The following KLRG1 variants were observed in gnomAD, a reference collection of about 807,000 sequenced individuals.
The protein encoded by KLRG1 is killer cell lectin like receptor G1, also known as killer cell lectin-like receptor subfamily G member 1.
A neutral mutation model predicts 21.8 loss-of-function variants in KLRG1; 16 were observed. That is an observed-to-expected ratio of 0.73 (90% confidence interval 0.50 to 1.11). The LOEUF (loss-of-function observed/expected upper bound fraction) is 1.11. Among genes scored for constraint, KLRG1 ranks in the 50% most tolerant of loss-of-function variants. KLRG1 has a pLI of 0.00. For synonymous variants in KLRG1, 69 were observed against 75.9 expected, an observed-to-expected ratio of 0.91 and a Z score of 0.47; for missense variants, 173 against 218.3, an observed-to-expected ratio of 0.79 and a Z score of 1.31.
chr12:9,047,067 C>G, the KLRG1 span, among the ~76,000 whole-genome samples: 5 of 152,184 alleles, frequency 3.3e-5, no homozygotes, highest in Admixed American at 3.3e-4. Context: ...GTTGCCCAGA[C>G]TGTCTCAAAT....
chr12:9,026,661 C>G, the KLRG1 span, among the ~76,000 whole-genome samples: 1 of 152,102 alleles, frequency 6.6e-6, no homozygotes, highest in Non-Finnish European at 1.5e-5. Flanking sequence ...GCTATTCACT[C>G]TATCAGGGTT....
At chr12:8,961,758 G>A (rs1415787318) in intron 1 of KLRG1, among the ~76,000 whole-genome samples, 10 of 152,112 alleles carry the variant, frequency 6.6e-5, no homozygotes, top group Non-Finnish European at 1.5e-4. Context: ...GCACTCTGTA[G>A]CATACAATTC....
At chr12:9,090,363 C>A in the KLRG1 span, 1 of 1,614,000 alleles carries the variant, frequency 6.2e-7, no homozygotes, top group South Asian at 1.1e-5. Context: ...CACCTAATGA[C>A]TTTGGGGTTA....
At position 8,992,323 on chromosome 12, in the gene KLRG1, T is replaced by C. The variant is rs753095154; in HGVS notation, c.187+13T>C. The C allele has an allele frequency of 6.5e-7, 1 of 1,539,938 alleles. No homozygotes were observed. Among genetic ancestry groups the C allele is most frequent in the Non-Finnish European group, 8.9e-7 (1 of 1,129,110 alleles). ...ATCCTGTGCCAGGGTAAGTGCAAAC[T>C]TAAACCAAAATTAATCTTTCATTTT... On this transcript the variant is annotated intron_variant, in intron 2 of 4. Coordinates refer to ENST00000356986, the MANE Select transcript of KLRG1 (RefSeq NM_005810.4).
the KLRG1 span, among the ~76,000 whole-genome samples, chr12:9,207,357 C>G: frequency 6.6e-6 from 1 of 152,208 alleles, no homozygotes; most frequent in Admixed American, 6.5e-5. Flanking sequence ...CAAGAGTTCT[C>G]ACCATTCTCT....
chr12:9,038,125 G>C, the KLRG1 span, among the ~76,000 whole-genome samples: 1 of 152,168 alleles, frequency 6.6e-6, no homozygotes, highest in Non-Finnish European at 1.5e-5. Context: ...GCTGGGTGTG[G>C]TGGTGCTTGC....
At chr12:8,951,241 G>T (rs1401671700) in intron 1 of KLRG1, among the ~76,000 whole-genome samples, 1 of 152,098 alleles carries the variant, frequency 6.6e-6, no homozygotes, top group African/African-American at 2.4e-5. Flanking sequence ...GGGATTCCGG[G>T]GCAGAAGGAT....
the KLRG1 span, among the ~76,000 whole-genome samples, chr12:9,033,023 T>C: frequency 6.6e-6 from 1 of 152,224 alleles, no homozygotes; most frequent in Non-Finnish European, 1.5e-5. Context: ...AATCAAACTC[T>C]TTCTTTACTG....
the KLRG1 span, chr12:9,168,887 C>T: frequency 1.9e-6 from 3 of 1,613,654 alleles, no homozygotes; most frequent in Non-Finnish European, 2.5e-6. Flanking sequence ...TATCCTTGAC[C>T]TACTGCTCCT....
the KLRG1 span, chr12:9,154,710 G>A: frequency 6.2e-7 from 1 of 1,614,140 alleles, no homozygotes; most frequent in South Asian, 1.1e-5. Context: ...GGTGGGGGCT[G>A]GCTGGGCCGT....
the KLRG1 span, chr12:9,201,307 A>T: frequency 1.3e-6 from 2 of 1,519,718 alleles, no homozygotes; most frequent in Middle Eastern, 1.7e-4. Flanking sequence ...TCCTTATAAG[A>T]TACTTTTTCT....
the KLRG1 span, among the ~76,000 whole-genome samples, chr12:9,131,541 T>A: frequency 6.6e-6 from 1 of 152,046 alleles, no homozygotes; most frequent in South Asian, 2.1e-4. Context: ...TAAGGTAAGT[T>A]ACTAGAGGTG....
At chr12:9,165,708 C>A in the KLRG1 span, among the ~76,000 whole-genome samples, 1 of 152,316 alleles carries the variant, frequency 6.6e-6, no homozygotes, top group South Asian at 2.1e-4. Context: ...AACAATTAGA[C>A]CACTGGATTA....
chr12:9,200,315 C>A, the KLRG1 span: 2 of 1,404,332 alleles, frequency 1.4e-6, no homozygotes, highest in South Asian at 1.2e-5. Flanking sequence ...CATAATCCCT[C>A]AAAATTGAGG....
the KLRG1 span, among the ~76,000 whole-genome samples, chr12:9,029,882 G>A: frequency 4.0e-5 from 6 of 151,866 alleles, no homozygotes; most frequent in East Asian, 1.9e-4. Context: ...TCGGCCTCCC[G>A]AGTAGCTGGG....
At chr12:9,110,279 T>G in the KLRG1 span, 3 of 1,436,942 alleles carry the variant, frequency 2.1e-6, no homozygotes, top group South Asian at 3.9e-5. Context: ...TATGTATTGC[T>G]TTCCTTTTAA....
At chr12:8,965,087 A>C (rs943327340) in intron 1 of KLRG1, among the ~76,000 whole-genome samples, 25 of 152,226 alleles carry the variant, frequency 1.6e-4, no homozygotes, top group African/African-American at 6.0e-4. Context: ...GACAAAAACC[A>C]CATGATTATC....
chr12:9,129,729 T>C, the KLRG1 span, among the ~76,000 whole-genome samples: 5 of 152,158 alleles, frequency 3.3e-5, no homozygotes, highest in Non-Finnish European at 7.3e-5. Context: ...TTTGTATTTT[T>C]AGTAGAGACG....
chr12:9,018,015 A>G, the KLRG1 span, among the ~76,000 whole-genome samples: 1 of 152,242 alleles, frequency 6.6e-6, no homozygotes, highest in African/African-American at 2.4e-5. Flanking sequence ...CCTATTTACA[A>G]TAGCTACAAA....
Sources: allele counts gnomAD v4.1 joint callset (sites outside exome capture counted in the v4.1 genomes callset), GRCh38; gene constraint gnomAD v4.1.1; transcripts MANE v1.5; gene names NCBI Gene and HGNC (gene_info 2026-07-23, HGNC 2026-07-21).